Variants in LRP1B observed in about 807,000 individuals in gnomAD.
LRP1B encodes the protein LDL receptor related protein 1B, also known as low-density lipoprotein receptor-related protein 1B.
A neutral mutation model predicts 556.6 loss-of-function variants in LRP1B; 217 were observed. That is an observed-to-expected ratio of 0.39 (90% CI 0.35 to 0.44). The LOEUF is 0.44. Ranked by LOEUF, LRP1B falls within the 20% of genes least tolerant of loss-of-function variation. The pLI, the probability that LRP1B is intolerant of heterozygous loss-of-function variation, is 1.00. For synonymous variants in LRP1B, 2,047 were observed against 1,865.8 expected, an observed-to-expected ratio of 1.10 and a Z score of -2.50; for missense variants, 5,053 against 5,620.8, an observed-to-expected ratio of 0.90 and a Z score of 3.23.
intron 21 of LRP1B, among the ~76,000 whole-genome samples, chr2:140,908,399 A>C (rs2105233463): frequency 6.8e-6 from 1 of 146,182 alleles, no homozygotes; most frequent in Admixed American, 6.9e-5. Context: ...TATAAAAAGA[A>C]GGTTTCTGTG....
At chr2:141,590,933 A>C (rs1687311784) in intron 2 of LRP1B, among the ~76,000 whole-genome samples, 1 of 152,132 alleles carries the variant, frequency 6.6e-6, no homozygotes, top group South Asian at 2.1e-4. Flanking sequence ...CTGTCCTGAC[A>C]CAAACATATC....
chr2:141,074,798 G>T (rs1699745572), intron 7 of LRP1B, among the ~76,000 whole-genome samples: 1 of 151,974 alleles, frequency 6.6e-6, no homozygotes, highest in South Asian at 2.1e-4. Flanking sequence ...AGATTATACA[G>T]CATAGCTCAC....
intron 1 of LRP1B, among the ~76,000 whole-genome samples, chr2:142,124,175 C>T (rs1343316646): frequency 6.6e-6 from 1 of 151,814 alleles, no homozygotes; most frequent in Non-Finnish European, 1.5e-5. Context: ...ATCCTTTCTG[C>T]TCCTCTTCTT....
At chr2:141,858,507 T>G (rs1698136807) in intron 1 of LRP1B, among the ~76,000 whole-genome samples, 1 of 152,020 alleles carries the variant, frequency 6.6e-6, no homozygotes, top group Admixed American at 6.6e-5. Context: ...AGATATAGAG[T>G]TGGATGAAAA....
chr2:140,431,817 T>C (rs1327952549), intron 66 of LRP1B, among the ~76,000 whole-genome samples: 2 of 152,108 alleles, frequency 1.3e-5, no homozygotes, highest in Non-Finnish European at 2.9e-5. Flanking sequence ...CCACAAAATC[T>C]TCCTTCAGCT....
chr2:142,103,479 C>T (rs181513803), intron 1 of LRP1B, among the ~76,000 whole-genome samples: 1 of 151,876 alleles, frequency 6.6e-6, no homozygotes, highest in Non-Finnish European at 1.5e-5. Flanking sequence ...ATAAAGAAAC[C>T]TAACTCTAAC....
intron 83 of LRP1B, among the ~76,000 whole-genome samples, chr2:140,310,231 T>C (rs1684239830): frequency 6.6e-6 from 1 of 151,818 alleles, no homozygotes; most frequent in East Asian, 1.9e-4. Context: ...TATAATTTCC[T>C]ATATCACATA....
chr2:141,401,476 C>T (rs1288551888), intron 3 of LRP1B, among the ~76,000 whole-genome samples: 2 of 152,080 alleles, frequency 1.3e-5, no homozygotes, highest in African/African-American at 2.4e-5. Context: ...ATCACCAGAC[C>T]TGATCATCTT....
intron 66 of LRP1B, among the ~76,000 whole-genome samples, chr2:140,429,937 C>A (rs185620314): frequency 6.6e-6 from 1 of 152,186 alleles, no homozygotes; most frequent in South Asian, 2.1e-4. Context: ...CAGCTGTACT[C>A]ACTCTTTGTT....
intron 1 of LRP1B, among the ~76,000 whole-genome samples, chr2:141,839,271 T>C (rs1224960172): frequency 1.3e-5 from 2 of 152,130 alleles, no homozygotes; most frequent in Non-Finnish European, 2.9e-5. Flanking sequence ...GTACCTTACA[T>C]AGTGGAAATA....
At chr2:141,935,702 T>G (rs1700617296) in intron 1 of LRP1B, among the ~76,000 whole-genome samples, 1 of 152,182 alleles carries the variant, frequency 6.6e-6, no homozygotes, top group Admixed American at 6.5e-5. Flanking sequence ...AGGAGACATT[T>G]CTAAAGCCTG....
intron 3 of LRP1B, among the ~76,000 whole-genome samples, chr2:141,444,321 G>A (rs1001985116): frequency 6.6e-6 from 1 of 152,152 alleles, no homozygotes; most frequent in South Asian, 2.1e-4. Flanking sequence ...TCAGCTTAAG[G>A]AGATTTGGGG....
chr2:140,300,318 CT>C (rs1211913254), intron 83 of LRP1B, among the ~76,000 whole-genome samples: 3 of 152,084 alleles, frequency 2.0e-5, no homozygotes, highest in African/African-American at 7.2e-5. Context: ...GGGAAATGAA[CT>C]TTCTGTTGCA....
intron 27 of LRP1B, among the ~76,000 whole-genome samples, chr2:140,867,081 G>T (rs1692973377): frequency 6.6e-6 from 1 of 152,000 alleles, no homozygotes; most frequent in African/African-American, 2.4e-5. Context: ...TCCCAGTGGG[G>T]CAAAAAGTGA....
chr2:141,463,591 A>AT lies in LRP1B; in HGVS notation c.343+16804dup, dbSNP rs59796893. Among the ~76,000 whole-genome samples the AT allele has an allele frequency of 3.5e-3, 270 of 77,242 alleles. 2 individuals are homozygous for AT. Among genetic ancestry groups the AT allele is most frequent in the African/African-American group, 0.017 (260 of 15,616 alleles). The allele number at this position is 77,242 out of a possible 152,430, so 50.7% of individuals were successfully genotyped here. ...TATATATTATATATAATTATATATA[A>AT]TATATATTATATATTATATATAATT... is the stretch of plus-strand genomic sequence containing the variant. On this transcript the variant is annotated intron_variant, in intron 3 of 90. Transcript: ENST00000389484.
chr2:140,591,151 C>A (rs1682207345), intron 43 of LRP1B, among the ~76,000 whole-genome samples: 1 of 152,152 alleles, frequency 6.6e-6, no homozygotes, highest in African/African-American at 2.4e-5. Flanking sequence ...ACCTAATAGT[C>A]TGAATATTGA....
chr2:141,292,369 T>G (rs1686007019), intron 3 of LRP1B, among the ~76,000 whole-genome samples: 1 of 152,132 alleles, frequency 6.6e-6, no homozygotes, highest in Non-Finnish European at 1.5e-5. Context: ...ATGCTCCCTC[T>G]ATCAACTCAT....
intron 66 of LRP1B, among the ~76,000 whole-genome samples, chr2:140,429,132 AT>A (rs1266174022): frequency 1.3e-5 from 2 of 152,026 alleles, no homozygotes; most frequent in African/African-American, 4.8e-5. Flanking sequence ...CCAATATCCA[AT>A]CCTGCAGCAC....
At chr2:140,486,000 C>A (rs4130945) in intron 58 of LRP1B, among the ~76,000 whole-genome samples, 2 of 151,726 alleles carry the variant, frequency 1.3e-5, no homozygotes, top group South Asian at 4.2e-4. Flanking sequence ...AAAACACCAA[C>A]GAGAATAGGC....
Sources: gnomAD v4.1 joint callset for allele counts (sites outside exome capture counted in the v4.1 genomes callset) on GRCh38, gnomAD v4.1.1 for gene constraint, MANE v1.5 for transcripts, NCBI Gene and HGNC (gene_info 2026-07-23, HGNC 2026-07-21) for gene names.